The following SLC16A14 variants were observed in gnomAD, a reference collection of about 807,000 sequenced individuals.
The protein encoded by SLC16A14 is solute carrier family 16 member 14, also known as monocarboxylate transporter 14.
In SLC16A14, 14 loss-of-function variants were observed where a neutral mutation model predicts 35.8. The observed-to-expected ratio is 0.39, with a 90% CI of 0.26 to 0.61. The LOEUF is 0.61. Ranked by LOEUF, SLC16A14 falls within the 20% of genes least tolerant of loss-of-function variation. The pLI, the probability that SLC16A14 is intolerant of heterozygous loss-of-function variation, is 0.51. For synonymous variants in SLC16A14, 248 were observed against 258.9 expected, an observed-to-expected ratio of 0.96 and a Z score of 0.40; for missense variants, 533 against 655.0, an observed-to-expected ratio of 0.81 and a Z score of 2.03.
intron 3 of SLC16A14, among the ~76,000 whole-genome samples, chr2:230,048,194 A>T (rs1172285258): frequency 6.6e-6 from 1 of 152,226 alleles, no homozygotes; most frequent in Non-Finnish European, 1.5e-5. Context: ...AACCATGTAA[A>T]CTAAGCTCTC....
At chr2:230,045,321 G>A (rs1485472796) in intron 4 of SLC16A14, among the ~76,000 whole-genome samples, 1 of 152,238 alleles carries the variant, frequency 6.6e-6, no homozygotes, top group African/African-American at 2.4e-5. Context: ...ACTTTGGAAG[G>A]CTGAGGCAGG....
chr2:230,059,535 C>T (rs2077734686), intron 1 of SLC16A14, among the ~76,000 whole-genome samples, 169 bp from the exon 2 acceptor site: 2 of 152,188 alleles, frequency 1.3e-5, no homozygotes, highest in South Asian at 4.1e-4. Flanking sequence ...CTTACTGTTT[C>T]CCAGGAGCAA....
chr2:230,046,857 C>T lies in SLC16A14; in HGVS notation c.404-135G>A. 9.2e-7 allele frequency: 1 copy of T among 1,083,730 alleles called. No individual in the cohort carries two copies. Among genetic ancestry groups the T allele is most frequent in the Non-Finnish European group, 1.3e-6 (1 of 794,350 alleles). 67.1% of individuals were successfully genotyped at this position (1,083,730 alleles called of 1,614,324 possible). A position where few individuals can be genotyped will look rare whatever the true frequency, so the allele number is the denominator to read the frequency against. On this transcript the variant is annotated intron_variant, in intron 3 of 4. Coordinates refer to ENST00000295190, the MANE Select transcript of SLC16A14 (RefSeq NM_152527.5). The surrounding 1 kb of genome is among the most constrained non-coding windows in gnomAD (Gnocchi z 5.0). ...TTTTATTTCTAACAAAGCAATAACA[C>T]TGATTATTTAAAAAGCAGCTCCCAG...
chr2:230,046,018 G>C lies in SLC16A14; in HGVS notation c.1108C>G (p.Leu370Val). Residue 370 changes from leucine (L) to valine (V), a missense_variant, in exon 4 of 5, where the codon CTG becomes GTG. Transcript: ENST00000295190. The surrounding 1 kb of genome is among the most constrained non-coding windows in gnomAD (Gnocchi z 5.0). Reference sequence around the variant, plus strand: ...CAAGGCAAGTCGGCTATGACGCCCAGGATCACTTTTCCAAAGATGTGAACT... The same window carrying C: ...CAAGGCAAGTCGGCTATGACGCCCACGATCACTTTTCCAAAGATGTGAACT... ...AIVHIFGKVILGVIADLPCIS... is the reference protein window; with the variant it reads ...AIVHIFGKVIVGVIADLPCIS... The C allele has an allele frequency of 6.2e-7, 1 of 1,613,988 alleles. No homozygotes were observed. The highest frequency in any genetic ancestry group is 8.5e-7 in the Non-Finnish European group (1 of 1,179,852).
At chr2:230,057,215 T>A (rs1326764624) in intron 2 of SLC16A14, among the ~76,000 whole-genome samples, 1 of 152,194 alleles carries the variant, frequency 6.6e-6, no homozygotes, top group Non-Finnish European at 1.5e-5. Context: ...AATGAGATAA[T>A]GTAAGGGAAA....
At chr2:230,047,947 A>G (rs2077623043) in intron 3 of SLC16A14, among the ~76,000 whole-genome samples, 1 of 152,238 alleles carries the variant, frequency 6.6e-6, no homozygotes, top group African/African-American at 2.4e-5. Context: ...TTTTTAAACT[A>G]TGCTTCAAAG....
intron 4 of SLC16A14, among the ~76,000 whole-genome samples, chr2:230,044,864 C>T (rs1398993876): frequency 1.3e-5 from 2 of 151,876 alleles, no homozygotes; most frequent in Admixed American, 6.6e-5. Flanking sequence ...CAGGTGTGAG[C>T]TACCACTCCT....
chr2:230,058,019 A>C (rs1488322376), intron 2 of SLC16A14, among the ~76,000 whole-genome samples: 3 of 129,936 alleles, frequency 2.3e-5, no homozygotes, highest in African/African-American at 9.3e-5. Context: ...ACAGAGCAAG[A>C]CTCTGTCTTA....
At position 230,038,287 on chromosome 2, in the gene SLC16A14, A is replaced by T. The variant is rs1213875029; in HGVS notation, c.1382-756T>A. 6.6e-6 allele frequency among the ~76,000 whole-genome samples: 1 copy of T among 152,234 alleles called. No homozygotes were observed. Among genetic ancestry groups the T allele is most frequent in the Non-Finnish European group, 1.5e-5 (1 of 68,038 alleles). ...ATGAATTCTAAGACAATGATGTGCCATTATTTTATGTATCAGTAAGAAATA... is the reference window on the plus strand; with the variant it reads ...ATGAATTCTAAGACAATGATGTGCCTTTATTTTATGTATCAGTAAGAAATA... On this transcript the variant is annotated intron_variant, in intron 4 of 4. Transcript: ENST00000295190. The surrounding 1 kb of genome is among the most constrained non-coding windows in gnomAD (Gnocchi z 4.4).
intron 2 of SLC16A14, among the ~76,000 whole-genome samples, chr2:230,057,563 G>T (rs1394048803): frequency 1.3e-5 from 2 of 152,094 alleles, no homozygotes; most frequent in African/African-American, 2.4e-5. Context: ...GAGGCCAGGA[G>T]TTCGAGACCA....
chr2:230,057,844 T>A (rs1353929920), intron 2 of SLC16A14, among the ~76,000 whole-genome samples: 1 of 152,092 alleles, frequency 6.6e-6, no homozygotes, highest in Non-Finnish European at 1.5e-5. Flanking sequence ...CTGGCCAACA[T>A]GGTGAAACCT....
At chr2:230,042,442 A>G (rs987494918) in intron 4 of SLC16A14, among the ~76,000 whole-genome samples, 1 of 152,240 alleles carries the variant, frequency 6.6e-6, no homozygotes, top group Non-Finnish European at 1.5e-5. Context: ...AGAATTACTC[A>G]TGCCATACCT....
Position 230,044,025 on chromosome 2 carries a change from C to G in SLC16A14, c.1381+1720G>C, listed in dbSNP as rs535252744. 3.9e-5 allele frequency among the ~76,000 whole-genome samples: 6 copies of G among 152,294 alleles called. No homozygotes were observed. The East Asian group carries it at 1.2e-3, about 29-fold the overall frequency. ...TGTGGTAGGCAGAATGCTCCCACCC[C>G]CCAAAACACCGAAGTCCTAATTTCT... is the stretch of plus-strand genomic sequence containing the variant. On this transcript the variant is annotated intron_variant, in intron 4 of 4. Coordinates refer to ENST00000295190, the MANE Select transcript of SLC16A14 (RefSeq NM_152527.5).
chr2:230,052,517 A>G (rs2077669596), intron 2 of SLC16A14, among the ~76,000 whole-genome samples: 1 of 152,106 alleles, frequency 6.6e-6, no homozygotes, highest in African/African-American at 2.4e-5. Context: ...AGGTCAACAG[A>G]TCACAGTTCA....
rs2077522282 is a variant in SLC16A14 at position 230,036,734 on chromosome 2, G to C, written c.*646C>G. ...ATTCCATTTATAACTGGATAGCACTGAATTAGGATTAATGGCAAGTGCCTT... is the reference window on the plus strand; with the variant it reads ...ATTCCATTTATAACTGGATAGCACTCAATTAGGATTAATGGCAAGTGCCTT... On this transcript the variant is annotated 3_prime_UTR_variant, in exon 5 of 5. Coordinates refer to ENST00000295190, the MANE Select transcript of SLC16A14 (RefSeq NM_152527.5). 1 of 152,204 alleles carries C rather than the reference G, an allele frequency of 6.6e-6. No individual in the cohort carries two copies. Among genetic ancestry groups the C allele is most frequent in the Non-Finnish European group, 1.5e-5 (1 of 68,036 alleles). 9.4% of individuals were successfully genotyped at this position (152,204 alleles called of 1,614,324 possible). A position where few individuals can be genotyped will look rare whatever the true frequency, so the allele number is the denominator to read the frequency against.
chr2:230,054,368 C>T (rs746350213), intron 2 of SLC16A14, among the ~76,000 whole-genome samples: 4 of 152,194 alleles, frequency 2.6e-5, no homozygotes, highest in Non-Finnish European at 4.4e-5. Context: ...TATTCCTAAG[C>T]AGTTAGTCAC....
chr2:230,064,284 T>TTGCCTGTG, intron 1 of SLC16A14, among the ~76,000 whole-genome samples: 1 of 142,502 alleles, frequency 7.0e-6, no homozygotes, highest in East Asian at 2.0e-4. Context: ...GGTTTCAGCC[T>TTGCCTGTG]TGTCTGTGTG....
intron 2 of SLC16A14, among the ~76,000 whole-genome samples, chr2:230,051,869 C>A (rs990165357): frequency 1.3e-5 from 2 of 151,802 alleles, no homozygotes; most frequent in Non-Finnish European, 1.5e-5. Context: ...ATTTAATTAA[C>A]TCTGTTGCAT....
intron 2 of SLC16A14, among the ~76,000 whole-genome samples, chr2:230,054,433 T>C (rs2077688540): frequency 5.9e-5 from 9 of 152,244 alleles, no homozygotes; most frequent in Admixed American, 5.9e-4. Flanking sequence ...CCTTATTTTA[T>C]GTAAAAGTGC....
Sources: gnomAD v4.1 joint callset for allele counts (sites outside exome capture counted in the v4.1 genomes callset) on GRCh38, gnomAD v4.1.1 for gene constraint, Gnocchi (gnomAD v3.1) non-coding constraint, MANE v1.5 for transcripts, NCBI Gene and HGNC (gene_info 2026-07-23, HGNC 2026-07-21) for gene names.